Variants in CHD7 observed in about 807,000 individuals in gnomAD.
The protein encoded by CHD7 is ATP-dependent chromatin remodeler CHD7.
A neutral mutation model predicts 307.3 loss-of-function variants in CHD7; 24 were observed. That is an observed-to-expected ratio of 0.08 (90% CI 0.06 to 0.11). The LOEUF (loss-of-function observed/expected upper bound fraction) is 0.11. CHD7 is among the 10% of genes least tolerant of loss of function. CHD7 has a pLI of 1.00. For synonymous variants in CHD7, 1,363 were observed against 1,349.9 expected (o/e 1.01, Z -0.21); for missense variants, 3,106 against 3,727.1 (o/e 0.83, Z 4.34).
chr8:60,822,465 T>A (rs747788802), intron 11 of CHD7, 38 bp from the exon 12 acceptor site: 49 of 1,600,222 alleles, frequency 3.1e-5, no homozygotes, highest in Non-Finnish European at 4.2e-5. Context: ...GTCATATCCA[T>A]ACTCATTAAA....
chr8:60,793,186 A>G (rs1811855461), intron 3 of CHD7, among the ~76,000 whole-genome samples: 1 of 152,098 alleles, frequency 6.6e-6, no homozygotes. Context: ...ATAGTAGGGG[A>G]GACTTCTGTC....
chr8:60,806,819 A>G (rs928162567), intron 6 of CHD7, among the ~76,000 whole-genome samples: 2 of 152,126 alleles, frequency 1.3e-5, no homozygotes, highest in Admixed American at 6.5e-5. Context: ...CCTGGGCAAC[A>G]TGGTGTAAAA....
intron 1 of CHD7, among the ~76,000 whole-genome samples, chr8:60,738,184 A>G (rs1808801054): frequency 6.6e-6 from 1 of 152,220 alleles, no homozygotes; most frequent in Middle Eastern, 3.2e-3. Context: ...CTTGAAATGT[A>G]GCTAATAGGA....
At chr8:60,752,503 G>A (rs1809688883) in intron 2 of CHD7, among the ~76,000 whole-genome samples, 1 of 152,222 alleles carries the variant, frequency 6.6e-6, no homozygotes, top group South Asian at 2.1e-4. Flanking sequence ...GGAGGTTGCA[G>A]GGTGCATATC....
At chr8:60,691,901 GTTAGAA>G (rs919297786) in intron 1 of CHD7, among the ~76,000 whole-genome samples, 8 of 152,112 alleles carry the variant, frequency 5.3e-5, no homozygotes, top group Non-Finnish European at 1.0e-4. Flanking sequence ...TTTATTGGGA[GTTAGAA>G]TTAGACAGTC....
intron 34 of CHD7, among the ~76,000 whole-genome samples, chr8:60,858,994 C>A (rs1805844076): frequency 6.6e-6 from 1 of 152,186 alleles, no homozygotes; most frequent in African/African-American, 2.4e-5. Flanking sequence ...AGTACACATT[C>A]TATTTTAAAT....
chr8:60,694,957 G>A (rs1404204131), intron 1 of CHD7, among the ~76,000 whole-genome samples: 2 of 152,168 alleles, frequency 1.3e-5, no homozygotes, highest in Admixed American at 6.5e-5. Flanking sequence ...AGAGACTAGA[G>A]GCAAAAAGTC....
At chr8:60,825,863 A>G (rs969663009) in intron 13 of CHD7, among the ~76,000 whole-genome samples, 2 of 151,966 alleles carry the variant, frequency 1.3e-5, no homozygotes, top group Non-Finnish European at 2.9e-5. Flanking sequence ...TTTTAATTTA[A>G]GTTCTAGGGT....
chr8:60,798,367 A>G (rs946933592), intron 4 of CHD7, among the ~76,000 whole-genome samples: 2 of 152,250 alleles, frequency 1.3e-5, no homozygotes, highest in African/African-American at 2.4e-5. Flanking sequence ...ACATCAGAAA[A>G]GTACTTTGCA....
chr8:60,850,815 T>A, intron 26 of CHD7, 193 bp downstream of exon 26: 3 of 737,440 alleles, frequency 4.1e-6, no homozygotes, highest in Non-Finnish European at 6.6e-6. Context: ...ATCTGAAACT[T>A]GTTTTTCTTT....
At chr8:60,841,181 C>T (rs1216373369) in intron 19 of CHD7, among the ~76,000 whole-genome samples, 1 of 152,248 alleles carries the variant, frequency 6.6e-6, no homozygotes, top group Non-Finnish European at 1.5e-5. Flanking sequence ...TTCTCTCTCC[C>T]TCACCAGCTC....
intron 4 of CHD7, among the ~76,000 whole-genome samples, chr8:60,797,691 G>T (rs1247365309): frequency 6.6e-6 from 1 of 152,186 alleles, no homozygotes; most frequent in African/African-American, 2.4e-5. Flanking sequence ...TTTAAATTGA[G>T]TTAAATTGAC....
chr8:60,838,399 A>G (rs1168603720), intron 19 of CHD7, 144 bp downstream of exon 19: 2 of 739,928 alleles, frequency 2.7e-6, no homozygotes, highest in African/African-American at 3.5e-5. Flanking sequence ...TGGCACATGA[A>G]GCTTTCTTTA....
At chr8:60,729,862 T>C (rs528241605) in intron 1 of CHD7, among the ~76,000 whole-genome samples, 52 of 152,342 alleles carry the variant, frequency 3.4e-4, no homozygotes, top group African/African-American at 1.2e-3. Flanking sequence ...TGTAGAAATT[T>C]ATGACTACTT....
chr8:60,733,976 C>T (rs1261057889), intron 1 of CHD7, among the ~76,000 whole-genome samples: 2 of 152,184 alleles, frequency 1.3e-5, no homozygotes, highest in African/African-American at 4.8e-5. Context: ...ATTAAACCAT[C>T]TTTAGATACC....
intron 1 of CHD7, among the ~76,000 whole-genome samples, chr8:60,709,076 C>T (rs1456054259): frequency 6.6e-6 from 1 of 152,172 alleles, no homozygotes; most frequent in African/African-American, 2.4e-5. Context: ...TTTTATTGCA[C>T]TTCATTATCT....
chr8:60,732,637 C>G (rs893505171), intron 1 of CHD7, among the ~76,000 whole-genome samples: 1 of 152,038 alleles, frequency 6.6e-6, no homozygotes, highest in African/African-American at 2.4e-5. Context: ...TTTTTAAAAT[C>G]AGGCTAATAA....
Position 60,845,319 on chromosome 8 carries a change from T to C in CHD7, c.5120T>C (p.Val1707Ala). ...AAAGCCCAGAGCACACAGCCGGTGGTGCAGGATGCCGACTGGCTGGCCAGC... is the reference window on the plus strand; with the variant it reads ...AAAGCCCAGAGCACACAGCCGGTGGCGCAGGATGCCGACTGGCTGGCCAGC... Reference protein sequence around the residue: ...KVKAQSTQPVVQDADWLASCN... With the variant: ...KVKAQSTQPVAQDADWLASCN... Residue 1707 changes from valine (V) to alanine (A), a missense_variant, in exon 23 of 38, where the codon GTG becomes GCG. Coordinates refer to ENST00000423902, the MANE Select transcript of CHD7 (RefSeq NM_017780.4). 5 of 1,614,022 alleles carry C rather than the reference T, an allele frequency of 3.1e-6. No homozygotes were observed. Among genetic ancestry groups the C allele is most frequent in the Non-Finnish European group, 4.2e-6 (5 of 1,179,888 alleles).
intron 2 of CHD7, among the ~76,000 whole-genome samples, chr8:60,745,703 A>ATTTTTAGT (rs1563565237): frequency 1.3e-5 from 2 of 152,220 alleles, no homozygotes; most frequent in African/African-American, 4.8e-5. Context: ...ACATAAGGCT[A>ATTTTTAGT]GGGAGGTGTG....
Sources: gnomAD v4.1 joint callset for allele counts (sites outside exome capture counted in the v4.1 genomes callset) on GRCh38, gnomAD v4.1.1 for gene constraint, MANE v1.5 for transcripts, NCBI Gene and HGNC (gene_info 2026-07-23, HGNC 2026-07-21) for gene names.